Variants in PTCD1 observed in about 807,000 individuals in gnomAD.
The protein encoded by PTCD1 is pentatricopeptide repeat domain 1, also known as pentatricopeptide repeat-containing protein 1, mitochondrial.
A neutral mutation model predicts 53.4 loss-of-function variants in PTCD1; 50 were observed. The observed-to-expected ratio is 0.94, with a 90% CI of 0.75 to 1.19. The LOEUF is 1.19. PTCD1 is among the 50% of genes most tolerant of loss of function. PTCD1 has a pLI of 0.00. For synonymous variants in PTCD1, 413 were observed against 394.8 expected (o/e 1.05, Z -0.55); for missense variants, 918 against 904.8 (o/e 1.01, Z -0.19).
rs1328284938 is a variant in PTCD1, at chr7:99,417,797, G to A, written c.*2170C>T. 1 of 1,518,314 alleles carries A rather than the reference G, an allele frequency of 6.6e-7. No individual in the cohort carries two copies. Among genetic ancestry groups the A allele is most frequent in the Non-Finnish European group, 8.8e-7 (1 of 1,138,202 alleles). The allele number at this position is 1,518,314 out of a possible 1,614,324, so 94.1% of individuals were successfully genotyped here. ...GTGGCTGTGTGTTTGTTAGGTCTGGGGTCAATCTCAACTCCACTTTTGGGC... is the reference window on the plus strand; with the variant it reads ...GTGGCTGTGTGTTTGTTAGGTCTGGAGTCAATCTCAACTCCACTTTTGGGC... On this transcript the variant is annotated 3_prime_UTR_variant, in exon 8 of 8. Coordinates refer to ENST00000292478, the MANE Select transcript of PTCD1 (RefSeq NM_015545.4).
rs769529704 is a variant in PTCD1, at chr7:99,435,211, GCGAACAGT to G, written c.24_31del (p.Leu9GlnfsTer17). ...GAACAGTCCCATGGGGCGGGCCCTG[GCGAACAGT>G]CGAGCGAGTCTCACGAAGTCCATTT... On this transcript the variant is annotated frameshift_variant, in exon 2 of 8. Coordinates refer to ENST00000292478, the MANE Select transcript of PTCD1 (RefSeq NM_015545.4). LOFTEE classifies it high-confidence loss of function. 5.0e-6 allele frequency: 8 copies of G among 1,603,870 alleles called. No homozygotes were observed. The highest frequency in any genetic ancestry group is 6.8e-6 in the Non-Finnish European group (8 of 1,179,954).
chr7:99,420,274 G>C, intron 7 of PTCD1, 125 bp from the exon 8 acceptor site: 2 of 1,370,770 alleles, frequency 1.5e-6, no homozygotes, highest in South Asian at 1.2e-5. Context: ...GGCTGCAGAG[G>C]ACAGGGCAGA....
intron 3 of PTCD1, among the ~76,000 whole-genome samples, chr7:99,432,074 A>G (rs1177889283): frequency 1.3e-5 from 2 of 152,246 alleles, no homozygotes; most frequent in East Asian, 3.8e-4. Context: ...ACCTCTGCCC[A>G]GGAAAGCCAG....
At position 99,419,525 on chromosome 7, in the gene PTCD1, C is replaced by T. The variant is rs1189576327; in HGVS notation, c.*442G>A. 2 of 1,509,620 alleles carry T rather than the reference C, an allele frequency of 1.3e-6. No homozygotes were observed. Among genetic ancestry groups the T allele is most frequent in the Non-Finnish European group, 1.8e-6 (2 of 1,096,376 alleles). 93.5% of individuals were successfully genotyped at this position (1,509,620 alleles called of 1,614,324 possible). The stretch of plus-strand genomic sequence containing the variant: ...CCCTTCCTGGGAGCAGCGAGCAGTG[C>T]CCCAGGCCCGAGTTGGAGCACGGTC... On this transcript the variant is annotated 3_prime_UTR_variant, in exon 8 of 8. Coordinates refer to ENST00000292478, the MANE Select transcript of PTCD1 (RefSeq NM_015545.4).
Position 99,430,551 on chromosome 7 carries a change from C to G in PTCD1, c.595-745G>C, listed in dbSNP as rs73397474. Among the ~76,000 whole-genome samples, 1,124 of 152,340 alleles carry G rather than the reference C, an allele frequency of 7.4e-3. 18 individuals carry two copies. The highest frequency in any genetic ancestry group is 0.026 in the African/African-American group (1,072 of 41,586). On this transcript the variant is annotated intron_variant, in intron 3 of 7. Coordinates refer to ENST00000292478, the MANE Select transcript of PTCD1 (RefSeq NM_015545.4). ...TGCATTCAAGTGGGGTGGCCTTGGA[C>G]ATGTCCCTTCATCTCTCTGTGCCTC...
At chr7:99,421,222 A>C (rs1434371792) in intron 7 of PTCD1, among the ~76,000 whole-genome samples, 1 of 152,072 alleles carries the variant, frequency 6.6e-6, no homozygotes, top group Non-Finnish European at 1.5e-5. Context: ...GGCGGATTAC[A>C]TGAGCTCAGG....
chr7:99,425,762 C>T (rs1315940188), intron 5 of PTCD1, 146 bp from the exon 6 acceptor site: 1 of 1,132,722 alleles, frequency 8.8e-7, no homozygotes, highest in Admixed American at 2.0e-5. Context: ...GGCAACATAG[C>T]AAGACCCTGC....
intron 5 of PTCD1, among the ~76,000 whole-genome samples, chr7:99,428,568 C>G (rs1157524321): frequency 6.7e-6 from 1 of 150,026 alleles, no homozygotes. Context: ...ATGGTGAAAC[C>G]CCGTCTCTAC....
Position 99,417,210 on chromosome 7 carries a change from G to A in PTCD1, c.*2757C>T, listed in dbSNP as rs1354005667. The A allele has an allele frequency of 1.4e-5, 6 of 444,244 alleles. No homozygotes were observed. The highest frequency in any genetic ancestry group is 6.4e-4 in the Middle Eastern group (1 of 1,570). The allele number at this position is 444,244 out of a possible 1,614,324, so 27.5% of individuals were successfully genotyped here. A position where few individuals can be genotyped will look rare whatever the true frequency, so the allele number is the denominator to read the frequency against. On this transcript the variant is annotated 3_prime_UTR_variant, in exon 8 of 8. Coordinates refer to ENST00000292478, the MANE Select transcript of PTCD1 (RefSeq NM_015545.4). ...TAGCTGGGATTACAGCTGCTACCAC[G>A]CCCGAGTAATTTTTGTATTTTTAGT... is the stretch of plus-strand genomic sequence containing the variant.
chr7:99,427,368 C>A (rs1475002417), intron 5 of PTCD1, among the ~76,000 whole-genome samples: 1 of 149,550 alleles, frequency 6.7e-6, no homozygotes, highest in Admixed American at 6.6e-5. Flanking sequence ...GGTCAGCCCC[C>A]CGCCCGGCCA....
intron 3 of PTCD1, 125 bp downstream of exon 3, chr7:99,433,150 AAGG>A (rs1796327733): frequency 1.4e-6 from 2 of 1,429,554 alleles, no homozygotes; most frequent in East Asian, 2.3e-5. Context: ...CCACCATTTT[AAGG>A]AGATGACTCT....
intron 3 of PTCD1, among the ~76,000 whole-genome samples, chr7:99,431,128 T>A (rs1181322240): frequency 6.7e-6 from 1 of 150,036 alleles, no homozygotes; most frequent in Non-Finnish European, 1.5e-5. Flanking sequence ...AAATATTAGT[T>A]TTTTTTCTTT....
At position 99,425,578 on chromosome 7, in the gene PTCD1, G is replaced by T; in HGVS notation, c.954C>A (p.Ser318Arg). 6.2e-7 allele frequency: 1 copy of T among 1,611,310 alleles called. No individual in the cohort carries two copies. The highest frequency in any genetic ancestry group is 8.5e-7 in the Non-Finnish European group (1 of 1,179,732). ...CCAACAGCAGGTTGTAGCTGTCCCG[G>T]CTCGGCTGTAGCCCTAGACTCAGCA... The part of the protein sequence containing the change: ...RLMLSLGLQP[S>R]RDSYNLLLVA... Residue 318 changes from serine (S) to arginine (R), a missense_variant, in exon 6 of 8, where the codon AGC becomes AGA. By Grantham distance (110) the Ser-to-Arg change is moderately radical. Transcript: ENST00000292478.
chr7:99,438,619 G>A, intron 1 of PTCD1, 73 bp downstream of exon 1: 1 of 1,168,994 alleles, frequency 8.6e-7, no homozygotes, highest in Non-Finnish European at 1.1e-6. Flanking sequence ...ATCCCGGCTC[G>A]GGCACTTCCT....
In PTCD1 at chr7:99,425,472, GCA is replaced by G. The variant is rs1795979426; in HGVS notation, c.1058_1059del (p.Val353AlafsTer64). 2 of 1,613,558 alleles carry G rather than the reference GCA, an allele frequency of 1.2e-6. No individual in the cohort carries two copies. Among genetic ancestry groups the G allele is most frequent in the Admixed American group, 1.7e-5 (1 of 60,026 alleles). On this transcript the variant is annotated frameshift_variant, in exon 6 of 8. Transcript: ENST00000292478. LOFTEE classifies it high-confidence loss of function. ...CGCTGCCTGCTCACTGGGGGCTGAA[GCA>G]CAGTCGCCTCCTCCCTGGGCTTCAG... The part of the protein sequence containing the change: ...LLLKPREEAT[V>X]LQPPVSRQRP...
rs1240395454 is a variant in PTCD1 at position 99,434,991 on chromosome 7, C to G, written c.252G>C (p.Glu84Asp). ...NSTATQEEDE[E>D]EEESFGTLSD... ...AGAGGGTCCCAAAACTCTCCTCCTC[C>G]TCCTCGTCTTCTTCCTGCGTGGCCG... is the stretch of plus-strand genomic sequence containing the variant. The change falls in exon 2 of 8, where the codon GAG (glutamate) becomes GAC (aspartate). Residue 84 changes from glutamate (E) to aspartate (D), a missense_variant. Glu to Asp is a conservative substitution (Grantham distance 45, BLOSUM62 2). Coordinates refer to ENST00000292478, the MANE Select transcript of PTCD1 (RefSeq NM_015545.4). 5.0e-6 allele frequency: 8 copies of G among 1,614,236 alleles called. No homozygotes were observed. The highest frequency in any genetic ancestry group is 6.8e-6 in the Non-Finnish European group (8 of 1,180,036).
At chr7:99,420,359 CCA>C (rs982118025) in intron 7 of PTCD1, among the ~76,000 whole-genome samples, 43 of 152,282 alleles carry the variant, frequency 2.8e-4, no homozygotes, top group African/African-American at 7.7e-4. Flanking sequence ...TGGGGCAGGC[CCA>C]GAGCCATCTG....
At chr7:99,430,084 A>G (rs894374116) in intron 3 of PTCD1, among the ~76,000 whole-genome samples, 6 of 152,260 alleles carry the variant, frequency 3.9e-5, no homozygotes, top group Admixed American at 6.5e-5. Context: ...TCCTGGCAGC[A>G]AGGTCTTCCT....
Position 99,418,062 on chromosome 7 carries a change from G to A in PTCD1, c.*1905C>T. 2.1e-6 allele frequency: 2 copies of A among 938,186 alleles called. No individual in the cohort carries two copies. The highest frequency in any genetic ancestry group is 2.7e-6 in the Non-Finnish European group (2 of 752,620). The allele number at this position is 938,186 out of a possible 1,614,324, so 58.1% of individuals were successfully genotyped here. A position where few individuals can be genotyped will look rare whatever the true frequency, so the allele number is the denominator to read the frequency against. On this transcript the variant is annotated 3_prime_UTR_variant, in exon 8 of 8. Coordinates refer to ENST00000292478, the MANE Select transcript of PTCD1 (RefSeq NM_015545.4). The stretch of plus-strand genomic sequence containing the variant: ...GGCTCACTGCAACCTCCACCTCCCG[G>A]GTTCAAGCGGTTCTCCTGCCTCATC...
Sources: gnomAD v4.1 joint callset for allele counts (sites outside exome capture counted in the v4.1 genomes callset) on GRCh38, gnomAD v4.1.1 for gene constraint, MANE v1.5 for transcripts, NCBI Gene and HGNC (gene_info 2026-07-23, HGNC 2026-07-21) for gene names.